L3MBTL2: variants seen among roughly 807,000 people sequenced by gnomAD.
The protein encoded by L3MBTL2 is lethal(3)malignant brain tumor-like protein 2.
In L3MBTL2, 49 loss-of-function variants were observed where a neutral mutation model predicts 86.4. That is an observed-to-expected ratio of 0.57 (90% CI 0.45 to 0.72). The LOEUF (loss-of-function observed/expected upper bound fraction) is 0.72, where lower values mean the gene tolerates loss of function less well. Ranked by LOEUF, L3MBTL2 falls within the 30% of genes least tolerant of loss-of-function variation. L3MBTL2 has a pLI of 0.00. For missense variants in L3MBTL2, 755 were observed against 923.7 expected (o/e 0.82, Z 2.37); for synonymous variants, 336 against 350.6 (o/e 0.96, Z 0.47).
Position 41,230,292 on chromosome 22 carries a change from C to A in L3MBTL2, c.*41C>A. Reference sequence around the variant, plus strand: ...GCCTGGCTTCTAGCTGGAAGCCAGCCCAGCGTTTCTCTACCACCACCACCA... The same window carrying A: ...GCCTGGCTTCTAGCTGGAAGCCAGCACAGCGTTTCTCTACCACCACCACCA... On this transcript the variant is annotated 3_prime_UTR_variant, in exon 17 of 17. Coordinates refer to ENST00000216237, the MANE Select transcript of L3MBTL2 (RefSeq NM_031488.5). 1 of 1,477,166 alleles carries A rather than the reference C, an allele frequency of 6.8e-7. No individual in the cohort carries two copies. Among genetic ancestry groups the A allele is most frequent in the Non-Finnish European group, 9.5e-7 (1 of 1,056,796 alleles). 91.5% of individuals were successfully genotyped at this position (1,477,166 alleles called of 1,614,324 possible). A position where few individuals can be genotyped will look rare whatever the true frequency, so the allele number is the denominator to read the frequency against.
chr22:41,225,575 G>T lies in L3MBTL2; in HGVS notation c.1357-219G>T, dbSNP rs924937814. ...AACAGGATGGACGCGGCCCCTGCTGGCGTGGTGTTTGCTGTCTAGTGGGGA... is the reference window on the plus strand; with the variant it reads ...AACAGGATGGACGCGGCCCCTGCTGTCGTGGTGTTTGCTGTCTAGTGGGGA... On this transcript the variant is annotated intron_variant, in intron 11 of 16. Transcript: ENST00000216237. This position sits in a 1 kb window ranked among gnomAD's most constrained non-coding sequence, Gnocchi z 4.1. Among the ~76,000 whole-genome samples the T allele has an allele frequency of 5.3e-5, 8 of 152,218 alleles. No individual in the cohort carries two copies. The highest frequency in any genetic ancestry group is 8.8e-5 in the Non-Finnish European group (6 of 68,034).
chr22:41,213,780 G>C lies in L3MBTL2; in HGVS notation c.263-113G>C, dbSNP rs972140578. 16 of 1,147,454 alleles carry C rather than the reference G, an allele frequency of 1.4e-5. No homozygotes were observed. In the Admixed American group the frequency reaches 2.4e-4, roughly 17 times the overall value. The allele number at this position is 1,147,454 out of a possible 1,614,324, so 71.1% of individuals were successfully genotyped here. On this transcript the variant is annotated intron_variant, in intron 2 of 16. Coordinates refer to ENST00000216237, the MANE Select transcript of L3MBTL2 (RefSeq NM_031488.5). ...CTCCTCTTATTCCATTAGCCTTTGT[G>C]GGGGCAGGGGCTCACCTGGTTAATG...
At chr22:41,221,591 A>G (rs1216633605) in intron 8 of L3MBTL2, among the ~76,000 whole-genome samples, 1 of 152,142 alleles carries the variant, frequency 6.6e-6, no homozygotes, top group Non-Finnish European at 1.5e-5. Flanking sequence ...TGTTCACTCA[A>G]TAGATTTTAT....
chr22:41,209,936 GCCTTCAGAGTGTC>G lies in L3MBTL2; in HGVS notation c.262+6_262+18del. The G allele has an allele frequency of 6.2e-7, 1 of 1,613,038 alleles. No homozygotes were observed. The highest frequency in any genetic ancestry group is 8.5e-7 in the Non-Finnish European group (1 of 1,179,274). On this transcript the variant is annotated splice_donor_5th_base_variant and intron_variant, in intron 2 of 16. Transcript: ENST00000216237. ...GGATGGCAGTGGTTCTGAGCCAGGTGCCTTCAGAGTGTCCCCTGAGGATGGAGAGGAGATAGAA... is the reference window on the plus strand; with the variant it reads ...GGATGGCAGTGGTTCTGAGCCAGGTGCCCTGAGGATGGAGAGGAGATAGAA...
At chr22:41,214,193 G>A in intron 3 of L3MBTL2, 167 bp downstream of exon 3, 2 of 647,480 alleles carry the variant, frequency 3.1e-6, no homozygotes, top group South Asian at 2.0e-5. Flanking sequence ...CATTTGTGGA[G>A]CTTTTTAAAT....
chr22:41,230,179 C>T lies in L3MBTL2; in HGVS notation c.2046C>T (p.Ala682=). The change falls in exon 17 of 17, where the codon GCC becomes GCT. Residue 682 remains alanine (A), a synonymous_variant. Transcript: ENST00000216237. The part of the protein sequence containing the change: ...VRVKEEHLDV[A]SPDKASSPEL... ...TGAAGGAAGAGCATCTAGACGTGGC[C>T]TCGCCCGACAAGGCTTCAAGTCCAG... is the stretch of plus-strand genomic sequence containing the variant. 1 of 1,613,158 alleles carries T rather than the reference C, an allele frequency of 6.2e-7. No individual in the cohort carries two copies. Among genetic ancestry groups the T allele is most frequent in the Non-Finnish European group, 8.5e-7 (1 of 1,179,860 alleles).
Position 41,227,241 on chromosome 22 carries a change from G to A in L3MBTL2, c.1740G>A (p.Trp580Ter). 6.2e-7 allele frequency: 1 copy of A among 1,613,172 alleles called. No homozygotes were observed. Among genetic ancestry groups the A allele is most frequent in the Admixed American group, 1.7e-5 (1 of 59,990 alleles). ...GCTGGGACAGCGAGTACGACCAGTG[G>A]GTGGACTGCGAGTCCCCAGACATCT... is the stretch of plus-strand genomic sequence containing the variant. Reference protein sequence around the residue: ...FDGWDSEYDQWVDCESPDIYP... With the variant: ...FDGWDSEYDQ The change falls in exon 14 of 17, where the codon TGG (tryptophan) becomes TGA (stop). Residue 580 changes from tryptophan (W) to a stop codon, truncating the protein, a stop_gained. Transcript: ENST00000216237. LOFTEE classifies it high-confidence loss of function. This position sits in a 1 kb window ranked among gnomAD's most constrained non-coding sequence, Gnocchi z 6.0.
intron 1 of L3MBTL2, among the ~76,000 whole-genome samples, chr22:41,207,669 CT>C: frequency 6.6e-6 from 1 of 151,888 alleles, no homozygotes; most frequent in East Asian, 1.9e-4. Context: ...TTTCTCCTTT[CT>C]TCACACCTTT....
At position 41,224,916 on chromosome 22, in the gene L3MBTL2, C is replaced by T. The variant is rs758729506; in HGVS notation, c.1252-51C>T. On this transcript the variant is annotated intron_variant, in intron 10 of 16. Coordinates refer to ENST00000216237, the MANE Select transcript of L3MBTL2 (RefSeq NM_031488.5). The surrounding 1 kb of genome is among the most constrained non-coding windows in gnomAD (Gnocchi z 4.9). ...TCCCTCCTGAGGCCTGCTTCCCTCA[C>T]CCTTCCTCCTGGCCTGCCCAGGGAG... The T allele has an allele frequency of 2.5e-6, 4 of 1,577,538 alleles. No individual in the cohort carries two copies. The African/African-American group carries it at 4.0e-5, about 16-fold the overall frequency.
rs35307267 is a variant in L3MBTL2, at chr22:41,229,866, C to T, written c.2005+210C>T. ...GCTGAGTCCCCCTCTAGCCCGGCCC[C>T]GGCCCCTCCTCCTCCTCCATCTCTA... On this transcript the variant is annotated intron_variant, in intron 16 of 16. Transcript: ENST00000216237. 4.3e-3 allele frequency: 3,554 copies of T among 833,366 alleles called. 83 individuals are homozygous for T. The African/African-American group carries it at 0.053, about 12-fold the overall frequency. The allele number at this position is 833,366 out of a possible 1,614,324, so 51.6% of individuals were successfully genotyped here.
In L3MBTL2 at chr22:41,225,997, C is replaced by T. The variant is rs555087854; in HGVS notation, c.1504+56C>T. 1.2e-5 allele frequency: 19 copies of T among 1,577,440 alleles called. No individual in the cohort carries two copies. The East Asian group carries it at 3.8e-4, about 32-fold the overall frequency. On this transcript the variant is annotated intron_variant, in intron 12 of 16. Transcript: ENST00000216237. The surrounding 1 kb of genome is among the most constrained non-coding windows in gnomAD (Gnocchi z 4.1). ...CTTGCCATCAGAAGGGGCAGGGTGT[C>T]CAGGCGCGGTGGCTCCCGCCTGTAA... is the stretch of plus-strand genomic sequence containing the variant.
At chr22:41,221,028 C>T (rs2145597799) in intron 7 of L3MBTL2, among the ~76,000 whole-genome samples, 160 bp downstream of exon 7, 1 of 152,332 alleles carries the variant, frequency 6.6e-6, no homozygotes, top group Middle Eastern at 3.4e-3. Context: ...GGCCTGGGGG[C>T]AGATCCACGT....
chr22:41,230,546 TCTTC>T lies in L3MBTL2; in HGVS notation c.*299_*302del. 7.3e-6 allele frequency: 3 copies of T among 412,506 alleles called. No homozygotes were observed. The South Asian group carries it at 8.9e-5, about 12-fold the overall frequency. The allele number at this position is 412,506 out of a possible 1,614,324, so 25.6% of individuals were successfully genotyped here. ...CAAAGCTGGAACGCTAGCTGCCTGC[TCTTC>T]CTTAAGATGGCCTCCCCCCGACCCG... On this transcript the variant is annotated 3_prime_UTR_variant, in exon 17 of 17. Coordinates refer to ENST00000216237, the MANE Select transcript of L3MBTL2 (RefSeq NM_031488.5).
intron 16 of L3MBTL2, 87 bp downstream of exon 16, chr22:41,229,743 G>A (rs1462597420): frequency 6.2e-7 from 1 of 1,607,658 alleles, no homozygotes; most frequent in South Asian, 1.1e-5. Context: ...GGGCACAGAA[G>A]AGTAGAGTCA....
At chr22:41,216,568 G>A (rs945209653) in intron 4 of L3MBTL2, among the ~76,000 whole-genome samples, 7 of 152,216 alleles carry the variant, frequency 4.6e-5, no homozygotes, top group African/African-American at 1.7e-4. Flanking sequence ...GGCAACGAAG[G>A]CCCAGATATG....
In L3MBTL2 at chr22:41,231,054, A is replaced by C. The variant is rs2032563598; in HGVS notation, c.*803A>C. ...TCATCCAAGATTCCTTTGTAGTTAAAGGGTCCAGTTCTGACTGGAGCCTCT... is the reference window on the plus strand; with the variant it reads ...TCATCCAAGATTCCTTTGTAGTTAACGGGTCCAGTTCTGACTGGAGCCTCT... On this transcript the variant is annotated 3_prime_UTR_variant, in exon 17 of 17. Coordinates refer to ENST00000216237, the MANE Select transcript of L3MBTL2 (RefSeq NM_031488.5). 1 of 152,186 alleles carries C rather than the reference A, an allele frequency of 6.6e-6. No individual in the cohort carries two copies. The highest frequency in any genetic ancestry group is 1.5e-5 in the Non-Finnish European group (1 of 68,046). 9.4% of individuals were successfully genotyped at this position (152,186 alleles called of 1,614,324 possible). A position where few individuals can be genotyped will look rare whatever the true frequency, so the allele number is the denominator to read the frequency against.
At chr22:41,216,312 G>T in intron 4 of L3MBTL2, 50 bp downstream of exon 4, 2 of 1,594,858 alleles carry the variant, frequency 1.3e-6, no homozygotes, top group South Asian at 2.2e-5. Context: ...CTGGGGAGGA[G>T]ACTGGGTTTG....
At position 41,225,522 on chromosome 22, in the gene L3MBTL2, C is replaced by G. The variant is rs140009021; in HGVS notation, c.1357-272C>G. ...CGCCGCGGATCCGCTCCATGCCGGG[C>G]GCGTGTGCTCACCCAAGAACACGGT... On this transcript the variant is annotated intron_variant, in intron 11 of 16. Coordinates refer to ENST00000216237, the MANE Select transcript of L3MBTL2 (RefSeq NM_031488.5). This position sits in a 1 kb window ranked among gnomAD's most constrained non-coding sequence, Gnocchi z 4.1. Among the ~76,000 whole-genome samples, 20 of 152,252 alleles carry G rather than the reference C, an allele frequency of 1.3e-4. No homozygotes were observed. Among genetic ancestry groups the G allele is most frequent in the African/African-American group, 4.8e-4 (20 of 41,538 alleles).
intron 6 of L3MBTL2, among the ~76,000 whole-genome samples, chr22:41,219,772 T>G (rs1180314869): frequency 6.6e-6 from 1 of 152,184 alleles, no homozygotes; most frequent in East Asian, 1.9e-4. Flanking sequence ...GATGGTGTCT[T>G]GCTCTGTCAC....
Sources: gnomAD v4.1 joint callset for allele counts (sites outside exome capture counted in the v4.1 genomes callset) on GRCh38, gnomAD v4.1.1 for gene constraint, Gnocchi (gnomAD v3.1) non-coding constraint, MANE v1.5 for transcripts, NCBI Gene and HGNC (gene_info 2026-07-23, HGNC 2026-07-21) for gene names.